Variants in HIRA observed in about 807,000 individuals in gnomAD.
HIRA encodes protein HIRA.
Under a neutral mutation model 126.6 loss-of-function variants are expected in HIRA, and 13 were observed. That is an observed-to-expected ratio of 0.10 (90% CI 0.07 to 0.16). The LOEUF (loss-of-function observed/expected upper bound fraction) is 0.16, where lower values mean the gene tolerates loss of function less well. Among genes scored for constraint, HIRA ranks in the 10% least tolerant of loss-of-function variants. The probability of loss-of-function intolerance (pLI) is 1.00; values close to 1 mark genes in which losing one functional copy is unlikely to be tolerated. For missense variants in HIRA, 834 were observed against 1,314.4 expected (o/e 0.63, Z 5.65); for synonymous variants, 511 against 520.0 (o/e 0.98, Z 0.24).
chr22:19,339,505 C>T (rs1556007044), intron 24 of HIRA, among the ~76,000 whole-genome samples: 1 of 152,008 alleles, frequency 6.6e-6, no homozygotes, highest in South Asian at 2.1e-4. Flanking sequence ...GGTGTGGTGA[C>T]GCATGCCTGT....
intron 1 of HIRA, among the ~76,000 whole-genome samples, chr22:19,412,335 G>A (rs2089360152): frequency 6.6e-6 from 1 of 152,180 alleles, no homozygotes; most frequent in East Asian, 1.9e-4. Flanking sequence ...CATCCCAGCA[G>A]ATTCCATAGA....
At chr22:19,374,042 A>G (rs2088993948) in intron 15 of HIRA, among the ~76,000 whole-genome samples, 1 of 151,800 alleles carries the variant, frequency 6.6e-6, no homozygotes, top group African/African-American at 2.4e-5. Flanking sequence ...AAGTATTTAG[A>G]AGCATGGAGA....
chr22:19,384,056 C>T (rs1213016199), intron 12 of HIRA, among the ~76,000 whole-genome samples: 2 of 152,118 alleles, frequency 1.3e-5, no homozygotes, highest in Admixed American at 6.5e-5. Flanking sequence ...CGGTGGCTCA[C>T]GCCTGTAATC....
At chr22:19,421,523 T>A (rs920321165) in intron 1 of HIRA, among the ~76,000 whole-genome samples, 1 of 152,252 alleles carries the variant, frequency 6.6e-6, no homozygotes. Context: ...TCCAAATGGT[T>A]TGAAAGACCA....
chr22:19,361,637 C>A lies in HIRA; in HGVS notation c.1980+90G>T, dbSNP rs919746272. ...CCAGCTGGTTCCCAAGGTGACCCAC[C>A]CAGCTGAGGCTTACCATGCACACAG... On this transcript the variant is annotated intron_variant, in intron 16 of 24. Coordinates refer to ENST00000263208, the MANE Select transcript of HIRA (RefSeq NM_003325.4). 1.5e-5 allele frequency: 20 copies of A among 1,336,622 alleles called. No individual in the cohort carries two copies. In the African/African-American group the frequency reaches 2.6e-4, roughly 17 times the overall value. The allele number at this position is 1,336,622 out of a possible 1,614,324, so 82.8% of individuals were successfully genotyped here.
intron 5 of HIRA, among the ~76,000 whole-genome samples, chr22:19,404,968 G>A (rs1356848267): frequency 6.6e-6 from 1 of 152,198 alleles, no homozygotes; most frequent in African/African-American, 2.4e-5. Flanking sequence ...TCACTGAGCT[G>A]TCACAATGAC....
At chr22:19,350,030 C>T (rs1556010329) in intron 24 of HIRA, among the ~76,000 whole-genome samples, 1 of 151,772 alleles carries the variant, frequency 6.6e-6, no homozygotes, top group Non-Finnish European at 1.5e-5. Context: ...CTCTATTGCC[C>T]AGACTGGAGT....
intron 15 of HIRA, among the ~76,000 whole-genome samples, chr22:19,362,953 G>A (rs1209848236): frequency 6.6e-6 from 1 of 151,694 alleles, no homozygotes; most frequent in Non-Finnish European, 1.5e-5. Context: ...AAAGAATAAG[G>A]CCGGGCACGG....
Position 19,379,397 on chromosome 22 carries a change from C to T in HIRA, c.1416-1331G>A, listed in dbSNP as rs563918236. On this transcript the variant is annotated intron_variant, in intron 13 of 24. Transcript: ENST00000263208. ...ATCCCAGCACTTTGGCAGGCCGAGG[C>T]GGGTGGATCACGAGGTCAAGAGTTC... 2.0e-5 allele frequency among the ~76,000 whole-genome samples: 3 copies of T among 150,674 alleles called. No homozygotes were observed. The South Asian group carries it at 6.3e-4, about 32-fold the overall frequency.
At chr22:19,367,746 T>C (rs768215832) in intron 15 of HIRA, among the ~76,000 whole-genome samples, 12 of 152,236 alleles carry the variant, frequency 7.9e-5, no homozygotes, top group Non-Finnish European at 1.2e-4. Flanking sequence ...TTCATTTGCA[T>C]GGATTCAAAG....
At chr22:19,332,486 A>G (rs1186014087) in intron 24 of HIRA, among the ~76,000 whole-genome samples, 2 of 152,218 alleles carry the variant, frequency 1.3e-5, no homozygotes, top group Non-Finnish European at 2.9e-5. Flanking sequence ...TGAAATGTTT[A>G]CTATCTGGTC....
intron 4 of HIRA, among the ~76,000 whole-genome samples, chr22:19,406,930 C>A (rs2089312722): frequency 6.6e-6 from 1 of 152,190 alleles, no homozygotes; most frequent in South Asian, 2.1e-4. Flanking sequence ...AACGAAGCCC[C>A]ACCCACATCG....
At chr22:19,331,644 G>A (rs781823314) in intron 24 of HIRA, 88 bp from the exon 25 acceptor site, 24 of 1,217,484 alleles carry the variant, frequency 2.0e-5, no homozygotes, top group Non-Finnish European at 2.8e-5. Flanking sequence ...AGAACCTTGT[G>A]TCTGCTCACG....
intron 20 of HIRA, 129 bp downstream of exon 20, chr22:19,356,101 C>T: frequency 5.7e-6 from 5 of 884,750 alleles, no homozygotes; most frequent in Admixed American, 2.0e-5. Context: ...GCAGCGTAAC[C>T]ACACCTCCTG....
At chr22:19,393,995 C>T (rs112134612) in intron 8 of HIRA, among the ~76,000 whole-genome samples, 18 of 152,142 alleles carry the variant, frequency 1.2e-4, no homozygotes, top group African/African-American at 4.3e-4. Context: ...CATGGCATGG[C>T]CTTGCACCTG....
chr22:19,376,508 C>T (rs2089020365), intron 14 of HIRA, among the ~76,000 whole-genome samples: 1 of 152,150 alleles, frequency 6.6e-6, no homozygotes, highest in Non-Finnish European at 1.5e-5. Context: ...TGGTAGTCAC[C>T]CTGGACAGCC....
chr22:19,430,365 A>C (rs1052446733), intron 1 of HIRA: 1 of 152,270 alleles, frequency 6.6e-6, no homozygotes, highest in African/African-American at 2.4e-5. Flanking sequence ...GCAGGAGGAG[A>C]ACACACACAT....
At chr22:19,386,167 T>C (rs2089125194) in intron 11 of HIRA, among the ~76,000 whole-genome samples, 1 of 152,188 alleles carries the variant, frequency 6.6e-6, no homozygotes, top group Non-Finnish European at 1.5e-5. Flanking sequence ...TCTGCAGCCA[T>C]AAGCCCTGTG....
chr22:19,395,243 A>T (rs1190418032), intron 7 of HIRA, among the ~76,000 whole-genome samples: 5 of 152,152 alleles, frequency 3.3e-5, no homozygotes, highest in Admixed American at 3.3e-4. Flanking sequence ...AAGGGTTAAG[A>T]TCATGACCTC....
Sources: gnomAD v4.1 joint callset for allele counts (sites outside exome capture counted in the v4.1 genomes callset) on GRCh38, gnomAD v4.1.1 for gene constraint, MANE v1.5 for transcripts, NCBI Gene and HGNC (gene_info 2026-07-23, HGNC 2026-07-21) for gene names.